Variants in ARIH1 observed in about 807,000 individuals in gnomAD.
The protein encoded by ARIH1 is ariadne RBR E3 ubiquitin protein ligase 1, also known as E3 ubiquitin-protein ligase ARIH1.
Under a neutral mutation model 85.0 loss-of-function variants are expected in ARIH1, and 8 were observed. The observed-to-expected ratio is 0.09, with a 90% CI of 0.06 to 0.17. ARIH1 has a LOEUF of 0.17. Among genes scored for constraint, ARIH1 ranks in the 10% least tolerant of loss-of-function variants. ARIH1 has a pLI of 1.00. For synonymous variants in ARIH1, 238 were observed against 253.6 expected, an observed-to-expected ratio of 0.94 and a Z score of 0.59; for missense variants, 311 against 718.1, an observed-to-expected ratio of 0.43 and a Z score of 6.48.
intron 2 of ARIH1, among the ~76,000 whole-genome samples, chr15:72,537,093 TTTGTTGTTG>T (rs144724943): frequency 4.4e-4 from 66 of 151,254 alleles, no homozygotes; most frequent in African/African-American, 1.2e-3. Flanking sequence ...AGTTCTCATT[TTTGTTGTTG>T]TTGTTGTTGT....
chr15:72,475,245 A>T, intron 1 of ARIH1: 2 of 951,104 alleles, frequency 2.1e-6, no homozygotes, highest in Non-Finnish European at 2.8e-6. Flanking sequence ...AAGTCCTGCT[A>T]TGGCGGAGGC....
chr15:72,597,314 G>C lies in ARIH1; in HGVS notation c.*14022G>C, dbSNP rs2064367022. ...TAGAATCAGAACTCTCATATCACCA[G>C]GGCCTGAGTTTTGGGCATTGGCAAG... On this transcript the variant is annotated 3_prime_UTR_variant, in exon 14 of 14. Transcript: ENST00000379887. 1 of 152,090 alleles carries C rather than the reference G, an allele frequency of 6.6e-6. No homozygotes were observed. The highest frequency in any genetic ancestry group is 1.5e-5 in the Non-Finnish European group (1 of 68,016). 9.4% of individuals were successfully genotyped at this position (152,090 alleles called of 1,614,324 possible). A position where few individuals can be genotyped will look rare whatever the true frequency, so the allele number is the denominator to read the frequency against.
intron 2 of ARIH1, among the ~76,000 whole-genome samples, chr15:72,519,464 ATGTTTTTTT>A (rs1567345075): frequency 3.6e-4 from 43 of 118,566 alleles, no homozygotes; most frequent in African/African-American, 6.7e-4. Context: ...CATTCTGACC[ATGTTTTTTT>A]TGTTTTTTTT....
intron 1 of ARIH1, among the ~76,000 whole-genome samples, chr15:72,479,266 A>G (rs751856080): frequency 5.8e-4 from 89 of 152,164 alleles, no homozygotes; most frequent in Non-Finnish European, 1.1e-3. Context: ...AGTATTTTGG[A>G]TAAGGAATAC....
rs762480947 is a variant in ARIH1 at position 72,587,378 on chromosome 15, C to T, written c.*4086C>T. Reference sequence around the variant, plus strand: ...ATCACTGCTACTGTTAGAGGTTGCTCTATACTATCTCTGATCTTTCATTTG... The same window carrying T: ...ATCACTGCTACTGTTAGAGGTTGCTTTATACTATCTCTGATCTTTCATTTG... On this transcript the variant is annotated 3_prime_UTR_variant, in exon 14 of 14. Coordinates refer to ENST00000379887, the MANE Select transcript of ARIH1 (RefSeq NM_005744.5). 2 of 419,390 alleles carry T rather than the reference C, an allele frequency of 4.8e-6. No individual in the cohort carries two copies. The highest frequency in any genetic ancestry group is 9.7e-6 in the Non-Finnish European group (2 of 205,928). The allele number at this position is 419,390 out of a possible 1,614,324, so 26.0% of individuals were successfully genotyped here.
chr15:72,581,128 A>T, intron 12 of ARIH1, 137 bp downstream of exon 12: 1 of 943,556 alleles, frequency 1.1e-6, no homozygotes, highest in Non-Finnish European at 1.5e-6. Flanking sequence ...TATTACAAAG[A>T]TACAAGAAAT....
rs1337281654 is a variant in ARIH1 at position 72,589,388 on chromosome 15, A to G, written c.*6096A>G. On this transcript the variant is annotated 3_prime_UTR_variant, in exon 14 of 14. Coordinates refer to ENST00000379887, the MANE Select transcript of ARIH1 (RefSeq NM_005744.5). ...ACACCAGTGCTAACTTGGGCAAAAGATAAGGATACAGAGCTGTCTCAGAGA... is the reference window on the plus strand; with the variant it reads ...ACACCAGTGCTAACTTGGGCAAAAGGTAAGGATACAGAGCTGTCTCAGAGA... 1.3e-5 allele frequency: 2 copies of G among 152,234 alleles called. No individual in the cohort carries two copies. The highest frequency in any genetic ancestry group is 2.9e-5 in the Non-Finnish European group (2 of 68,042). The allele number at this position is 152,234 out of a possible 1,614,324, so 9.4% of individuals were successfully genotyped here. A position where few individuals can be genotyped will look rare whatever the true frequency, so the allele number is the denominator to read the frequency against.
chr15:72,563,541 G>A (rs762297331), intron 7 of ARIH1, 41 bp downstream of exon 7: 14 of 1,511,876 alleles, frequency 9.3e-6, no homozygotes, highest in African/African-American at 4.1e-5. Context: ...TGCACAAAGC[G>A]TTTCCATTTC....
At chr15:72,572,971 T>C (rs72735181) in intron 11 of ARIH1, among the ~76,000 whole-genome samples, 3,421 of 152,310 alleles carry the variant, frequency 0.022, 46 homozygotes, top group Middle Eastern at 0.051. Flanking sequence ...AAAGCACTTT[T>C]CATTCCTTTC....
In ARIH1 at chr15:72,510,636, C is replaced by T. The variant is rs543504050; in HGVS notation, c.376-7431C>T. On this transcript the variant is annotated intron_variant, in intron 1 of 13. Coordinates refer to ENST00000379887, the MANE Select transcript of ARIH1 (RefSeq NM_005744.5). ...CCTGTATTCCCAGCTACTGGGGAGG[C>T]TGAGGCAGCAGAATGATGTGAATCC... is the stretch of plus-strand genomic sequence containing the variant. Among the ~76,000 whole-genome samples the T allele has an allele frequency of 2.9e-5, 4 of 138,720 alleles. No individual in the cohort carries two copies. In the South Asian group the frequency reaches 9.5e-4, roughly 33 times the overall value. 91.0% of individuals were successfully genotyped at this position (138,720 alleles called of 152,430 possible).
intron 1 of ARIH1, among the ~76,000 whole-genome samples, chr15:72,513,572 C>T (rs1210741714): frequency 1.3e-5 from 2 of 152,180 alleles, no homozygotes; most frequent in Admixed American, 6.5e-5. Context: ...CCATTTCTGT[C>T]GCTTTTCCTT....
chr15:72,563,541 G>T (rs762297331), intron 7 of ARIH1, 41 bp downstream of exon 7: 1 of 1,511,876 alleles, frequency 6.6e-7, no homozygotes, highest in East Asian at 2.3e-5. Flanking sequence ...TGCACAAAGC[G>T]TTTCCATTTC....
intron 1 of ARIH1, among the ~76,000 whole-genome samples, chr15:72,517,796 G>A (rs1239256577): frequency 1.3e-5 from 2 of 151,946 alleles, no homozygotes; most frequent in Non-Finnish European, 2.9e-5. Flanking sequence ...TTAAGACAGC[G>A]CCGGATTTAC....
chr15:72,507,007 T>C (rs1567342168), intron 1 of ARIH1, among the ~76,000 whole-genome samples: 1 of 151,410 alleles, frequency 6.6e-6, no homozygotes, highest in East Asian at 1.9e-4. Flanking sequence ...TATGTATGTA[T>C]GTATGTATGT....
chr15:72,482,915 A>T (rs2063822167), intron 1 of ARIH1, among the ~76,000 whole-genome samples: 1 of 147,776 alleles, frequency 6.8e-6, no homozygotes, highest in African/African-American at 2.5e-5. Flanking sequence ...ATCTCGGCTC[A>T]TTGCAACCCT....
At chr15:72,482,306 G>A (rs1044259190) in intron 1 of ARIH1, among the ~76,000 whole-genome samples, 3 of 152,142 alleles carry the variant, frequency 2.0e-5, no homozygotes, top group Admixed American at 6.6e-5. Context: ...CTGTTTAAAG[G>A]AATATGAGAA....
At chr15:72,580,095 C>A (rs1323088481) in intron 11 of ARIH1, among the ~76,000 whole-genome samples, 2 of 152,188 alleles carry the variant, frequency 1.3e-5, no homozygotes, top group African/African-American at 4.8e-5. Context: ...TCCTACCCCT[C>A]TATCCCCGCA....
rs1409601041 is a variant in ARIH1, at chr15:72,597,344, C to T, written c.*14052C>T. ...TGAGTTTTGGGCATTGGCAAGATTC[C>T]AGAGATCTGACTTTGCTTCATAGCT... On this transcript the variant is annotated 3_prime_UTR_variant, in exon 14 of 14. Coordinates refer to ENST00000379887, the MANE Select transcript of ARIH1 (RefSeq NM_005744.5). 1 of 152,086 alleles carries T rather than the reference C, an allele frequency of 6.6e-6. No individual in the cohort carries two copies. The highest frequency in any genetic ancestry group is 1.9e-4 in the East Asian group (1 of 5,202). 9.4% of individuals were successfully genotyped at this position (152,086 alleles called of 1,614,324 possible).
In ARIH1 at chr15:72,513,883, G is replaced by A. The variant is rs12903629; in HGVS notation, c.376-4184G>A. On this transcript the variant is annotated intron_variant, in intron 1 of 13. Transcript: ENST00000379887. ...CCTCCTTCCCTCTACCCCCCGCCCC[G>A]CCTCCGCCAAAGACAGAGTCTTGTC... is the stretch of plus-strand genomic sequence containing the variant. Among the ~76,000 whole-genome samples, 554 of 125,778 alleles carry A rather than the reference G, an allele frequency of 4.4e-3. 3 individuals carry two copies. Among genetic ancestry groups the A allele is most frequent in the Non-Finnish European group, 7.6e-3 (454 of 59,518 alleles). 82.5% of individuals were successfully genotyped at this position (125,778 alleles called of 152,430 possible).
Sources: allele counts gnomAD v4.1 joint callset (sites outside exome capture counted in the v4.1 genomes callset), GRCh38; gene constraint gnomAD v4.1.1; transcripts MANE v1.5; gene names NCBI Gene and HGNC (gene_info 2026-07-23, HGNC 2026-07-21).